Variants in AOPEP observed in about 807,000 individuals in gnomAD.
AOPEP encodes the protein aminopeptidase O.
Under a neutral mutation model 98.1 loss-of-function variants are expected in AOPEP, and 77 were observed. That is an observed-to-expected ratio of 0.78 (90% CI 0.65 to 0.95). The LOEUF (loss-of-function observed/expected upper bound fraction) is 0.95, where lower values mean the gene tolerates loss of function less well. Among genes scored for constraint, AOPEP ranks in the 40% least tolerant of loss-of-function variants. The probability of loss-of-function intolerance (pLI) is 0.00; values close to 1 mark genes in which losing one functional copy is unlikely to be tolerated. For missense variants in AOPEP, 1,024 were observed against 1,024.7 expected (o/e 1.00, Z 0.01); for synonymous variants, 346 against 365.3 (o/e 0.95, Z 0.60).
chr9:94,846,254 AAAG>A (rs966776324), intron 5 of AOPEP, among the ~76,000 whole-genome samples: 4 of 152,268 alleles, frequency 2.6e-5, no homozygotes, highest in African/African-American at 4.8e-5. Flanking sequence ...AAGGAGGTGG[AAAG>A]AAGATCAGTG....
chr9:94,773,066 C>T lies in AOPEP; in HGVS notation c.862C>T (p.Pro288Ser). The change falls in exon 3 of 17, where the codon CCC (proline) becomes TCC (serine). Residue 288 changes from proline (P) to serine (S), a missense_variant. Coordinates refer to ENST00000375315, the MANE Select transcript of AOPEP (RefSeq NM_001193329.3). ...GGCCCTTTTTCCATGCCAGGAGCCA[C>T]CCGTTGCCATGTCAACATGGCAGGC... ...NRALFPCQEP[P>S]VAMSTWQATV... The T allele has an allele frequency of 6.2e-7, 1 of 1,614,098 alleles. No homozygotes were observed. Among genetic ancestry groups the T allele is most frequent in the Non-Finnish European group, 8.5e-7 (1 of 1,179,992 alleles).
chr9:94,834,805 CAT>C (rs1174904971), intron 5 of AOPEP, among the ~76,000 whole-genome samples: 1 of 141,920 alleles, frequency 7.0e-6, no homozygotes, highest in Non-Finnish European at 1.5e-5. Flanking sequence ...TGCATGCATG[CAT>C]GCATGCATAC....
At chr9:95,019,552 T>G (rs888141889) in intron 13 of AOPEP, 1 of 152,210 alleles carries the variant, frequency 6.6e-6, no homozygotes, top group Non-Finnish European at 1.5e-5. Context: ...CATTGAAGTT[T>G]TCTGTCTAAA....
intron 16 of AOPEP, among the ~76,000 whole-genome samples, chr9:95,083,683 AGCACACACC>A (rs1193094668): frequency 4.6e-5 from 7 of 150,764 alleles, no homozygotes; most frequent in Admixed American, 2.0e-4. Flanking sequence ...CGGCACACAC[AGCACACACC>A]GCACGCACCA....
chr9:95,097,364 G>A, the AOPEP span, among the ~76,000 whole-genome samples: 1 of 152,218 alleles, frequency 6.6e-6, no homozygotes, highest in Non-Finnish European at 1.5e-5. Context: ...ACCCAATAAC[G>A]TTAAAGAAGC....
chr9:94,940,761 C>T (rs2056921674), intron 7 of AOPEP, among the ~76,000 whole-genome samples: 1 of 152,206 alleles, frequency 6.6e-6, no homozygotes, highest in Non-Finnish European at 1.5e-5. Flanking sequence ...ACAGCCCCCA[C>T]TGCCCCTCCT....
At chr9:95,134,948 T>C in the AOPEP span, among the ~76,000 whole-genome samples, 1 of 152,268 alleles carries the variant, frequency 6.6e-6, no homozygotes, top group Non-Finnish European at 1.5e-5. Flanking sequence ...GTGTCTCTTA[T>C]TTCATCTTTC....
chr9:95,132,952 T>C, the AOPEP span, among the ~76,000 whole-genome samples: 16 of 152,244 alleles, frequency 1.1e-4, no homozygotes, highest in African/African-American at 3.6e-4. Flanking sequence ...ACACAAGTTA[T>C]GTAGACCATC....
intron 7 of AOPEP, among the ~76,000 whole-genome samples, chr9:94,937,667 T>A (rs1055881344): frequency 1.3e-5 from 2 of 152,194 alleles, no homozygotes; most frequent in African/African-American, 4.8e-5. Context: ...TCCATATCAT[T>A]ATGACTCATC....
At chr9:94,907,935 A>G (rs1346790647) in intron 5 of AOPEP, among the ~76,000 whole-genome samples, 1 of 152,112 alleles carries the variant, frequency 6.6e-6, no homozygotes, top group African/African-American at 2.4e-5. Context: ...TTCCAGCTCT[A>G]TTCTTTGAAC....
chr9:95,005,384 G>A (rs945062178), intron 12 of AOPEP, among the ~76,000 whole-genome samples, 158 bp from the exon 13 acceptor site: 2 of 151,624 alleles, frequency 1.3e-5, no homozygotes, highest in African/African-American at 4.8e-5. Flanking sequence ...GGCCCCTGCG[G>A]TGAGGCGCCC....
intron 9 of AOPEP, among the ~76,000 whole-genome samples, chr9:94,959,740 A>G (rs2058692831): frequency 6.6e-6 from 1 of 152,186 alleles, no homozygotes; most frequent in Non-Finnish European, 1.5e-5. Flanking sequence ...CAGAAATCAT[A>G]CTATTTATCC....
intron 13 of AOPEP, among the ~76,000 whole-genome samples, chr9:95,009,804 A>G (rs997381524): frequency 6.6e-6 from 1 of 152,088 alleles, no homozygotes; most frequent in African/African-American, 2.4e-5. Flanking sequence ...AATTTCCTGA[A>G]ATTTTCCTTC....
chr9:94,727,528 C>T (rs1351835170), intron 1 of AOPEP, among the ~76,000 whole-genome samples: 1 of 152,070 alleles, frequency 6.6e-6, no homozygotes, highest in Non-Finnish European at 1.5e-5. Context: ...CGCAAAAAAA[C>T]AACAATAAGG....
At chr9:94,992,708 G>C (rs183986960) in intron 11 of AOPEP, among the ~76,000 whole-genome samples, 7 of 152,216 alleles carry the variant, frequency 4.6e-5, no homozygotes, top group South Asian at 2.1e-4. Context: ...TGCCTCTTTG[G>C]GGGTAAGGGG....
intron 5 of AOPEP, among the ~76,000 whole-genome samples, chr9:94,854,543 C>T (rs1252281437): frequency 2.0e-5 from 3 of 152,174 alleles, no homozygotes; most frequent in Non-Finnish European, 4.4e-5. Flanking sequence ...CAAGCAGTGT[C>T]ACCAGTAGCT....
chr9:95,079,003 T>C (rs1324791471), intron 14 of AOPEP, among the ~76,000 whole-genome samples: 3 of 152,140 alleles, frequency 2.0e-5, no homozygotes, highest in African/African-American at 7.2e-5. Context: ...GAAAGCACAT[T>C]TTGTTGAAGG....
At chr9:94,730,411 A>G (rs746677678) in intron 1 of AOPEP, among the ~76,000 whole-genome samples, 19 of 152,086 alleles carry the variant, frequency 1.2e-4, no homozygotes, top group Non-Finnish European at 2.6e-4. Context: ...AACGACATCC[A>G]GGCCTGTTTC....
intron 5 of AOPEP, among the ~76,000 whole-genome samples, chr9:94,808,320 G>A (rs12238135): frequency 0.014 from 2,154 of 152,330 alleles, 48 homozygotes; most frequent in East Asian, 0.089. Flanking sequence ...GATTACAGGC[G>A]TGAGCCACCG....
Sources: allele counts gnomAD v4.1 joint callset (sites outside exome capture counted in the v4.1 genomes callset), GRCh38; gene constraint gnomAD v4.1.1; transcripts MANE v1.5; gene names NCBI Gene and HGNC (gene_info 2026-07-23, HGNC 2026-07-21).